Variants in TMEM167B observed in about 807,000 individuals in gnomAD.
TMEM167B encodes transmembrane protein 167B.
TMEM167B carries 2 observed loss-of-function variants against 9.4 expected under a neutral mutation model. The observed-to-expected ratio is 0.21, with a 90% CI of 0.09 to 0.67. TMEM167B has a LOEUF of 0.67. TMEM167B is among the 30% of genes least tolerant of loss of function. TMEM167B has a pLI of 0.82. For synonymous variants in TMEM167B, 28 were observed against 32.0 expected (o/e 0.87, Z 0.42); for missense variants, 68 against 87.6 (o/e 0.78, Z 0.89).
chr1:109,093,842 G>GA (rs1664508090), intron 2 of TMEM167B: 1 of 152,678 alleles, frequency 6.5e-6, no homozygotes, highest in African/African-American at 2.4e-5. Flanking sequence ...ATAGCATTTA[G>GA]AAACATCTCA....
In TMEM167B at chr1:109,095,375, TGAA is replaced by T. The variant is rs1664543805; in HGVS notation, c.*880_*882del. The T allele has an allele frequency of 6.6e-6, 1 of 152,184 alleles. No homozygotes were observed. The highest frequency in any genetic ancestry group is 2.4e-5 in the African/African-American group (1 of 41,442). 9.4% of individuals were successfully genotyped at this position (152,184 alleles called of 1,614,324 possible). A position where few individuals can be genotyped will look rare whatever the true frequency, so the allele number is the denominator to read the frequency against. ...CACGACTAGGGGAAAAAGAAACTATTGAAGAAATAATTGTTTAGTATATTTGCA... is the reference window on the plus strand; with the variant it reads ...CACGACTAGGGGAAAAAGAAACTATTGAAATAATTGTTTAGTATATTTGCA... On this transcript the variant is annotated 3_prime_UTR_variant, in exon 3 of 3. Transcript: ENST00000338272.
chr1:109,096,156 A>G lies in TMEM167B; in HGVS notation c.*1657A>G, dbSNP rs774196601. On this transcript the variant is annotated 3_prime_UTR_variant, in exon 3 of 3. Coordinates refer to ENST00000338272, the MANE Select transcript of TMEM167B (RefSeq NM_020141.4). ...AAATACAGAAAGTCATCAAGTAAAC[A>G]CTGCATGTCTAATCATCTCAGAGTT... The G allele has an allele frequency of 6.6e-6, 1 of 152,234 alleles. No individual in the cohort carries two copies. 9.4% of individuals were successfully genotyped at this position (152,234 alleles called of 1,614,324 possible). A position where few individuals can be genotyped will look rare whatever the true frequency, so the allele number is the denominator to read the frequency against.
chr1:109,094,524 C>T lies in TMEM167B; in HGVS notation c.*25C>T. The T allele has an allele frequency of 6.2e-7, 1 of 1,611,176 alleles. No individual in the cohort carries two copies. Among genetic ancestry groups the T allele is most frequent in the Non-Finnish European group, 8.5e-7 (1 of 1,178,134 alleles). On this transcript the variant is annotated 3_prime_UTR_variant, in exon 3 of 3. Transcript: ENST00000338272. Reference sequence around the variant, plus strand: ...AATTCCAAAGCACCCAAGTCATCAACTGCCAACCAAGGGGACGGGGATGAA... The same window carrying T: ...AATTCCAAAGCACCCAAGTCATCAATTGCCAACCAAGGGGACGGGGATGAA...
At chr1:109,094,232 A>G (rs1664516592) in intron 2 of TMEM167B, among the ~76,000 whole-genome samples, 185 bp from the exon 3 acceptor site, 1 of 152,166 alleles carries the variant, frequency 6.6e-6, no homozygotes, top group South Asian at 2.1e-4. Context: ...GTGAGCCGAG[A>G]TCGCGCCACT....
chr1:109,090,777 C>A lies in TMEM167B; in HGVS notation c.-96C>A, dbSNP rs571608472. On this transcript the variant is annotated 5_prime_UTR_variant, in exon 1 of 3. Transcript: ENST00000338272. ...GTACTACGGCTTCTTCCAGTCACCT[C>A]GGCCCGGATCGGGAAGTGTCAAGCG... is the stretch of plus-strand genomic sequence containing the variant. 9.2e-5 allele frequency: 136 copies of A among 1,477,004 alleles called. 2 individuals carry two copies. The East Asian group carries it at 3.2e-3, about 34-fold the overall frequency. 91.5% of individuals were successfully genotyped at this position (1,477,004 alleles called of 1,614,324 possible).
In TMEM167B at chr1:109,092,988, GAGA is replaced by G. The variant is rs1206716593; in HGVS notation, c.115_117del (p.Lys39del). ...TCGTCTCAAAACCTGGCTGCTATCA[GAGA>G]AGAAGGGTGTTTGGGGTGTGTTTTA... On this transcript the variant is annotated inframe_deletion, in exon 2 of 3. Transcript: ENST00000338272. 22 of 1,614,076 alleles carry G rather than the reference GAGA, an allele frequency of 1.4e-5. No individual in the cohort carries two copies. The highest frequency in any genetic ancestry group is 1.8e-5 in the Non-Finnish European group (21 of 1,180,052).
At chr1:109,092,843 G>A (rs747586584) in intron 1 of TMEM167B, 47 bp from the exon 2 acceptor site, 12 of 1,602,010 alleles carry the variant, frequency 7.5e-6, no homozygotes, top group Non-Finnish European at 1.0e-5. Context: ...TCACAGGTCC[G>A]ACGCTAGATC....
At chr1:109,093,104 G>A (rs1170335568) in intron 2 of TMEM167B, 83 bp downstream of exon 2, 3 of 1,533,040 alleles carry the variant, frequency 2.0e-6, no homozygotes, top group South Asian at 2.5e-5. Context: ...AGTGAGCTGG[G>A]ATTATATTTG....
chr1:109,092,230 G>C (rs142488373), intron 1 of TMEM167B, among the ~76,000 whole-genome samples: 9 of 152,254 alleles, frequency 5.9e-5, no homozygotes, highest in African/African-American at 2.2e-4. Flanking sequence ...AATTCGGTTT[G>C]TTAAGAGTAT....
rs190811844 is a variant in TMEM167B at position 109,092,127 on chromosome 1, T to G, written c.11-763T>G. ...CAAGAAATAAGCTTGGTTTATGTAT[T>G]TAAGAAACAGAGCTAAGAAGTTAAA... On this transcript the variant is annotated intron_variant, in intron 1 of 2. Coordinates refer to ENST00000338272, the MANE Select transcript of TMEM167B (RefSeq NM_020141.4). 8.5e-5 allele frequency among the ~76,000 whole-genome samples: 13 copies of G among 152,324 alleles called. No homozygotes were observed. In the East Asian group the frequency reaches 2.3e-3, roughly 27 times the overall value.
chr1:109,090,923 C>G, intron 1 of TMEM167B, 41 bp downstream of exon 1: 2 of 1,570,214 alleles, frequency 1.3e-6, no homozygotes, highest in Non-Finnish European at 1.7e-6. Flanking sequence ...GAGTGAAGGA[C>G]GAAGGGAAAA....
chr1:109,092,388 C>T (rs935300513), intron 1 of TMEM167B, among the ~76,000 whole-genome samples: 20 of 152,136 alleles, frequency 1.3e-4, no homozygotes, highest in African/African-American at 4.8e-4. Context: ...TCTAGCTCTC[C>T]TTTATCATAT....
chr1:109,091,348 T>G (rs565591822), intron 1 of TMEM167B, among the ~76,000 whole-genome samples: 1 of 152,270 alleles, frequency 6.6e-6, no homozygotes, highest in South Asian at 2.1e-4. Flanking sequence ...AAGCTTCTTC[T>G]TACGGAAAAA....
rs1463655904 is a variant in TMEM167B, at chr1:109,096,333, C to T, written c.*1834C>T. 6.6e-6 allele frequency: 1 copy of T among 152,140 alleles called. No individual in the cohort carries two copies. The highest frequency in any genetic ancestry group is 1.5e-5 in the Non-Finnish European group (1 of 68,032). 9.4% of individuals were successfully genotyped at this position (152,140 alleles called of 1,614,324 possible). ...ACACCTTGTGGGTGTGAGTTTGGGA[C>T]CTGTTGGCAGAAGGGAATGTCACTC... On this transcript the variant is annotated 3_prime_UTR_variant, in exon 3 of 3. Coordinates refer to ENST00000338272, the MANE Select transcript of TMEM167B (RefSeq NM_020141.4).
At position 109,094,698 on chromosome 1, in the gene TMEM167B, A is replaced by G; in HGVS notation, c.*199A>G. Reference sequence around the variant, plus strand: ...ATGCTTCAGGGGACTACAGAAAGCCAGCTTCCTTTGATCTATGTGTAAATC... The same window carrying G: ...ATGCTTCAGGGGACTACAGAAAGCCGGCTTCCTTTGATCTATGTGTAAATC... On this transcript the variant is annotated 3_prime_UTR_variant, in exon 3 of 3. Coordinates refer to ENST00000338272, the MANE Select transcript of TMEM167B (RefSeq NM_020141.4). The G allele has an allele frequency of 1.7e-6, 1 of 592,168 alleles. No homozygotes were observed. Among genetic ancestry groups the G allele is most frequent in the Non-Finnish European group, 3.0e-6 (1 of 333,400 alleles). The allele number at this position is 592,168 out of a possible 1,614,324, so 36.7% of individuals were successfully genotyped here. A position where few individuals can be genotyped will look rare whatever the true frequency, so the allele number is the denominator to read the frequency against.
chr1:109,093,069 T>C (rs1570557149), intron 2 of TMEM167B, 48 bp downstream of exon 2: 1 of 1,607,706 alleles, frequency 6.2e-7, no homozygotes, highest in Non-Finnish European at 8.5e-7. Context: ...CTCTGGACAG[T>C]GTGGAGCTAC....
rs766842437 is a variant in TMEM167B, at chr1:109,092,951, C to T, written c.72C>T (p.Phe24=). 2 of 1,614,116 alleles carry T rather than the reference C, an allele frequency of 1.2e-6. No individual in the cohort carries two copies. The highest frequency in any genetic ancestry group is 2.2e-5 in the South Asian group (2 of 91,080). Residue 24 remains phenylalanine (F), a synonymous_variant, in exon 2 of 3, where the codon TTC becomes TTT. Coordinates refer to ENST00000338272, the MANE Select transcript of TMEM167B (RefSeq NM_020141.4). ...GLLFVCTCAY[F]KKVPRLKTWL... ...TCTTTGTTTGCACCTGTGCCTACTT[C>T]AAGAAAGTACCTCGTCTCAAAACCT...
At position 109,094,524 on chromosome 1, in the gene TMEM167B, C is replaced by A. The variant is rs1284738328; in HGVS notation, c.*25C>A. 2 of 1,611,058 alleles carry A rather than the reference C, an allele frequency of 1.2e-6. No individual in the cohort carries two copies. Among genetic ancestry groups the A allele is most frequent in the African/African-American group, 2.7e-5 (2 of 74,842 alleles). On this transcript the variant is annotated 3_prime_UTR_variant, in exon 3 of 3. Coordinates refer to ENST00000338272, the MANE Select transcript of TMEM167B (RefSeq NM_020141.4). ...AATTCCAAAGCACCCAAGTCATCAA[C>A]TGCCAACCAAGGGGACGGGGATGAA...
intron 2 of TMEM167B, among the ~76,000 whole-genome samples, chr1:109,094,169 A>C (rs1163930584): frequency 6.6e-6 from 1 of 152,110 alleles, no homozygotes. Flanking sequence ...AATCTCAGCT[A>C]CTCAAGAGGC....
Sources: allele counts gnomAD v4.1 joint callset (sites outside exome capture counted in the v4.1 genomes callset), GRCh38; gene constraint gnomAD v4.1.1; transcripts MANE v1.5; gene names NCBI Gene and HGNC (gene_info 2026-07-23, HGNC 2026-07-21).